DNM3: variants seen among roughly 807,000 people sequenced by gnomAD.
The protein encoded by DNM3 is dynamin 3, also known as dynamin-3.
DNM3 carries 47 observed loss-of-function variants against 101.6 expected under a neutral mutation model. The observed-to-expected ratio is 0.46, with a 90% CI of 0.37 to 0.59. The LOEUF (loss-of-function observed/expected upper bound fraction) is 0.59, where lower values mean the gene tolerates loss of function less well. Among genes scored for constraint, DNM3 ranks in the 20% least tolerant of loss-of-function variants. The pLI, the probability that DNM3 is intolerant of heterozygous loss-of-function variation, is 0.00. For synonymous variants in DNM3, 385 were observed against 387.9 expected, an observed-to-expected ratio of 0.99 and a Z score of 0.09; for missense variants, 849 against 1,085.7, an observed-to-expected ratio of 0.78 and a Z score of 3.06.
chr1:172,129,307 C>A (rs1206935465), intron 13 of DNM3, among the ~76,000 whole-genome samples: 2 of 152,128 alleles, frequency 1.3e-5, no homozygotes, highest in African/African-American at 4.8e-5. Flanking sequence ...ATAAGAATCA[C>A]CTTGGCAACA....
chr1:172,330,168 A>G (rs1031850191), intron 17 of DNM3, among the ~76,000 whole-genome samples: 2 of 152,356 alleles, frequency 1.3e-5, no homozygotes, highest in South Asian at 2.1e-4. Context: ...AATTGTGCAA[A>G]GAAATTTGTT....
intron 15 of DNM3, among the ~76,000 whole-genome samples, chr1:172,257,311 G>A (rs1392923104): frequency 6.6e-6 from 1 of 152,038 alleles, no homozygotes; most frequent in Admixed American, 6.6e-5. Flanking sequence ...AACAGGCGGG[G>A]AGACAAATAA....
At chr1:172,221,915 G>T (rs2060920232) in intron 14 of DNM3, among the ~76,000 whole-genome samples, 1 of 151,968 alleles carries the variant, frequency 6.6e-6, no homozygotes, top group Non-Finnish European at 1.5e-5. Flanking sequence ...GACTTTGTAG[G>T]GTTTGTTCAA....
chr1:172,156,173 C>T (rs1199084989), intron 14 of DNM3, among the ~76,000 whole-genome samples: 1 of 152,046 alleles, frequency 6.6e-6, no homozygotes, highest in Non-Finnish European at 1.5e-5. Flanking sequence ...GGGATGATTT[C>T]CAAAATATTT....
At chr1:171,891,901 C>G (rs998888749) in intron 1 of DNM3, among the ~76,000 whole-genome samples, 9 of 152,166 alleles carry the variant, frequency 5.9e-5, no homozygotes, top group Non-Finnish European at 1.0e-4. Flanking sequence ...ATAACCCACA[C>G]TTAAGGAGTG....
At chr1:172,364,091 C>A (rs1164488394) in intron 17 of DNM3, among the ~76,000 whole-genome samples, 1 of 151,918 alleles carries the variant, frequency 6.6e-6, no homozygotes, top group Non-Finnish European at 1.5e-5. Context: ...GGGCTCCTCC[C>A]CAAATACAGG....
At chr1:171,909,435 C>CT (rs2039105017) in intron 1 of DNM3, among the ~76,000 whole-genome samples, 1 of 122,992 alleles carries the variant, frequency 8.1e-6, no homozygotes, top group South Asian at 2.6e-4. Flanking sequence ...GAGACTCTGT[C>CT]TTAAAAAAAA....
In DNM3 at chr1:172,372,055, T is replaced by TCCCTCCC. The variant is rs1459780404; in HGVS notation, c.1894-6952_1894-6946dup. Among the ~76,000 whole-genome samples, 46 of 96,816 alleles carry TCCCTCCC rather than the reference T, an allele frequency of 4.8e-4. No individual in the cohort carries two copies. In the East Asian group the frequency reaches 0.014, roughly 29 times the overall value. The allele number at this position is 96,816 out of a possible 152,430, so 63.5% of individuals were successfully genotyped here. On this transcript the variant is annotated intron_variant, in intron 17 of 20. Coordinates refer to ENST00000627582, the MANE Select transcript of DNM3 (RefSeq NM_015569.5). ...GCATTAGGTATATCTCCCAATGCTA[T>TCCCTCCC]CCCTCCCCCCTCCCCCCACCCCACA...
At chr1:171,943,649 A>C (rs986322129) in intron 2 of DNM3, among the ~76,000 whole-genome samples, 4 of 152,124 alleles carry the variant, frequency 2.6e-5, no homozygotes, top group African/African-American at 9.7e-5. Context: ...CAATTGTCTC[A>C]TTTTTCTGGA....
At chr1:172,371,031 T>G (rs1426320605) in intron 17 of DNM3, among the ~76,000 whole-genome samples, 2 of 152,134 alleles carry the variant, frequency 1.3e-5, no homozygotes, top group Non-Finnish European at 2.9e-5. Flanking sequence ...ACAAAGTCTT[T>G]GGAATAATTC....
At chr1:172,326,832 C>G (rs2065957349) in intron 17 of DNM3, among the ~76,000 whole-genome samples, 1 of 151,944 alleles carries the variant, frequency 6.6e-6, no homozygotes, top group South Asian at 2.1e-4. Flanking sequence ...ATTCAGAAAT[C>G]AATGCTTCAA....
intron 14 of DNM3, among the ~76,000 whole-genome samples, chr1:172,217,504 T>A (rs1372597981): frequency 1.3e-5 from 2 of 150,434 alleles, no homozygotes; most frequent in Non-Finnish European, 3.0e-5. Flanking sequence ...GAGGCCTCTT[T>A]TCCATTAGAG....
exon 21 of DNM3, chr1:172,418,294 G>A (rs978294163): frequency 4.0e-5 from 52 of 1,289,286 alleles, no homozygotes; most frequent in Non-Finnish European, 5.0e-5. Context: ...ACCCCCTCCT[G>A]CAGTTCCAGG....
chr1:171,939,699 A>G (rs898960131), intron 2 of DNM3, among the ~76,000 whole-genome samples: 2 of 152,252 alleles, frequency 1.3e-5, no homozygotes, highest in African/African-American at 4.8e-5. Context: ...ATATCTGTTT[A>G]AATCTGAGAG....
At chr1:171,869,797 G>A (rs2035105306) in intron 1 of DNM3, among the ~76,000 whole-genome samples, 1 of 152,176 alleles carries the variant, frequency 6.6e-6, no homozygotes, top group Non-Finnish European at 1.5e-5. Flanking sequence ...GACAGAAATT[G>A]AATCCTGACC....
At chr1:172,367,413 A>G (rs1398453398) in intron 17 of DNM3, among the ~76,000 whole-genome samples, 1 of 151,908 alleles carries the variant, frequency 6.6e-6, no homozygotes, top group Non-Finnish European at 1.5e-5. Flanking sequence ...AACATGCAAA[A>G]GTGTGAAACT....
chr1:172,141,915 C>A (rs2057604754), intron 14 of DNM3, among the ~76,000 whole-genome samples: 1 of 152,150 alleles, frequency 6.6e-6, no homozygotes, highest in East Asian at 1.9e-4. Context: ...TAGATTGATC[C>A]TTTTCCAGTT....
intron 20 of DNM3, chr1:172,393,706 C>T (rs889398541): frequency 1.3e-5 from 2 of 152,612 alleles, no homozygotes; most frequent in Non-Finnish European, 2.9e-5. Flanking sequence ...TCTCACCATC[C>T]TCCCCCTTTA....
intron 2 of DNM3, among the ~76,000 whole-genome samples, chr1:171,981,649 GCT>G (rs1220568340): frequency 1.3e-5 from 2 of 152,282 alleles, no homozygotes; most frequent in South Asian, 4.1e-4. Flanking sequence ...TAGAATTATA[GCT>G]CTGATTTTTT....
Sources: allele counts gnomAD v4.1 joint callset (sites outside exome capture counted in the v4.1 genomes callset), GRCh38; gene constraint gnomAD v4.1.1; transcripts MANE v1.5; gene names NCBI Gene and HGNC (gene_info 2026-07-23, HGNC 2026-07-21).